The following DMD variants were observed in gnomAD, a reference collection of about 807,000 sequenced individuals.
DMD encodes the protein mutant dystrophin.
In DMD, 63 loss-of-function variants were observed where a neutral mutation model predicts 330.1. That is an observed-to-expected ratio of 0.19 (90% CI 0.16 to 0.24). DMD has a LOEUF of 0.24. Among genes scored for constraint, DMD ranks in the 10% least tolerant of loss-of-function variants. DMD has a pLI of 1.00. For missense variants in DMD, 3,344 were observed against 2,684.1 expected (o/e 1.25, Z -5.43); for synonymous variants, 1,223 against 959.8 (o/e 1.27, Z -5.07).
At chrX:31,505,951 C>T (rs1205521770) in intron 56 of DMD, among the ~76,000 whole-genome samples, 1 of 111,589 alleles carries the variant, frequency 9.0e-6, no homozygotes, top group East Asian at 2.8e-4. Context: ...TCCCTGTTTT[C>T]ATCTTGTATC....
At chrX:32,638,648 G>A (rs1313330778) in intron 11 of DMD, among the ~76,000 whole-genome samples, 1 of 111,919 alleles carries the variant, frequency 8.9e-6, no homozygotes. Context: ...ACCAAATTGT[G>A]AAATAAAATC....
intron 66 of DMD, among the ~76,000 whole-genome samples, chrX:31,206,271 C>G (rs2044053394): frequency 8.9e-6 from 1 of 112,363 alleles, no homozygotes; most frequent in Admixed American, 9.4e-5. Context: ...ACTTATTTTT[C>G]CGACTTACAG....
intron 60 of DMD, among the ~76,000 whole-genome samples, chrX:31,395,835 C>T (rs1371604018): frequency 9.0e-6 from 1 of 111,648 alleles, no homozygotes; most frequent in Non-Finnish European, 1.9e-5. Flanking sequence ...TTTTTTGCTG[C>T]CATTGCAATT....
chrX:32,883,431 A>T (rs2084156586), intron 2 of DMD, among the ~76,000 whole-genome samples: 1 of 111,528 alleles, frequency 9.0e-6, no homozygotes, highest in African/African-American at 3.3e-5. Flanking sequence ...GCACTACCCC[A>T]ATATTTTTTC....
chrX:33,098,547 T>C (rs1479258423), intron 1 of DMD, among the ~76,000 whole-genome samples: 1 of 110,905 alleles, frequency 9.0e-6, no homozygotes, highest in East Asian at 2.8e-4. Flanking sequence ...ATAACTTGAG[T>C]GCTTTTCAAA....
rs1437737743 is a variant in DMD at position 31,121,591 on chromosome X, T to C, written c.*328A>G. ...CGTTCCATATAAAGAAATGGCAAGT[T>C]ATTTAGCTATCAAGATTTTACATGT... On this transcript the variant is annotated 3_prime_UTR_variant, in exon 79 of 79. Coordinates refer to ENST00000357033, the MANE Select transcript of DMD (RefSeq NM_004006.3). 11 of 304,283 alleles carry C rather than the reference T, an allele frequency of 3.6e-5. No homozygotes were observed. Among genetic ancestry groups the C allele is most frequent in the Non-Finnish European group, 1.7e-5 (3 of 175,588 alleles). 25.1% of individuals were successfully genotyped at this position (304,283 alleles called of 1,213,427 possible). A position where few individuals can be genotyped will look rare whatever the true frequency, so the allele number is the denominator to read the frequency against.
At chrX:32,483,414 G>A (rs1032555047) in intron 21 of DMD, among the ~76,000 whole-genome samples, 41 of 106,819 alleles carry the variant, frequency 3.8e-4, no homozygotes, top group Non-Finnish European at 5.8e-4. Flanking sequence ...ATATTATTAC[G>A]TATTTATATT....
chrX:31,640,225 A>G (rs1334314776), intron 54 of DMD, among the ~76,000 whole-genome samples: 1 of 111,808 alleles, frequency 8.9e-6, no homozygotes, highest in Non-Finnish European at 1.9e-5. Flanking sequence ...ACAGTGCTCA[A>G]CTCAGGGCTG....
intron 1 of DMD, among the ~76,000 whole-genome samples, chrX:33,236,327 C>T (rs1423629212): frequency 1.9e-5 from 2 of 106,127 alleles, no homozygotes; most frequent in East Asian, 3.0e-4. Context: ...TGCAATGGCG[C>T]GATCTCGGCT....
At chrX:32,453,558 A>AT (rs1363725392) in intron 26 of DMD, among the ~76,000 whole-genome samples, 4 of 110,710 alleles carry the variant, frequency 3.6e-5, no homozygotes, top group Admixed American at 1.9e-4. Context: ...TAATTATATA[A>AT]TTTTTTACCA....
At chrX:32,698,332 C>T (rs1156849828) in intron 8 of DMD, among the ~76,000 whole-genome samples, 1 of 111,155 alleles carries the variant, frequency 9.0e-6, no homozygotes, top group Non-Finnish European at 1.9e-5. Context: ...TTCTCTAAAT[C>T]CAAAGTAAAT....
intron 9 of DMD, among the ~76,000 whole-genome samples, chrX:32,685,323 A>G (rs1427554658): frequency 1.8e-5 from 2 of 111,842 alleles, no homozygotes; most frequent in Admixed American, 1.9e-4. Flanking sequence ...TTCAGGTATT[A>G]TAAAGTAAAT....
intron 1 of DMD, among the ~76,000 whole-genome samples, chrX:33,152,922 C>T (rs1438542501): frequency 2.7e-5 from 3 of 112,128 alleles, no homozygotes; most frequent in African/African-American, 9.7e-5. Context: ...AAGCAGCAAT[C>T]CCATTGAGAA....
intron 60 of DMD, among the ~76,000 whole-genome samples, chrX:31,396,299 G>A (rs747026760): frequency 5.4e-5 from 6 of 110,371 alleles, no homozygotes; most frequent in African/African-American, 1.3e-4. Flanking sequence ...AACCACGCCC[G>A]GCTAATTTTT....
intron 43 of DMD, among the ~76,000 whole-genome samples, chrX:32,262,709 A>G (rs2097328292): frequency 9.0e-6 from 1 of 110,710 alleles, no homozygotes; most frequent in African/African-American, 3.3e-5. Flanking sequence ...ATTGTTATCT[A>G]CTAACAGATC....
intron 1 of DMD, among the ~76,000 whole-genome samples, chrX:33,093,945 A>C (rs1409220933): frequency 8.9e-6 from 1 of 111,760 alleles, no homozygotes. Flanking sequence ...TTTTTATGAA[A>C]GTTCAGAACA....
At chrX:32,771,985 A>G (rs1390011338) in intron 7 of DMD, among the ~76,000 whole-genome samples, 3 of 112,180 alleles carry the variant, frequency 2.7e-5, no homozygotes, top group African/African-American at 9.7e-5. Context: ...TACTCTGACT[A>G]TGCCATAGCC....
chrX:32,905,393 G>A (rs997997045), intron 2 of DMD, among the ~76,000 whole-genome samples: 7 of 111,355 alleles, frequency 6.3e-5, no homozygotes, highest in African/African-American at 2.3e-4. Flanking sequence ...AAAAGACATG[G>A]TTGAGAAAAA....
intron 62 of DMD, among the ~76,000 whole-genome samples, chrX:31,271,181 A>T (rs1435795327): frequency 2.7e-5 from 3 of 111,564 alleles, no homozygotes; most frequent in Non-Finnish European, 5.6e-5. Flanking sequence ...GAATTTCAGG[A>T]GGAGGGGGCA....
Sources: gnomAD v4.1 joint callset for allele counts (sites outside exome capture counted in the v4.1 genomes callset) on GRCh38, gnomAD v4.1.1 for gene constraint, MANE v1.5 for transcripts, NCBI Gene and HGNC (gene_info 2026-07-23, HGNC 2026-07-21) for gene names.